Variants in ZNF548 observed in about 807,000 individuals in gnomAD.
ZNF548 encodes the protein zinc finger protein 548.
Under a neutral mutation model 10.2 loss-of-function variants are expected in ZNF548, and 10 were observed. That is an observed-to-expected ratio of 0.98 (90% CI 0.60 to 1.66). The LOEUF is 1.66. Among genes scored for constraint, ZNF548 ranks in the 40% most tolerant of loss-of-function variants. ZNF548 has a pLI of 0.00. For synonymous variants in ZNF548, 217 were observed against 223.5 expected (o/e 0.97, Z 0.26); for missense variants, 599 against 657.0 (o/e 0.91, Z 0.97).
At chr19:57,394,000 A>G in intron 1 of ZNF548, 188 bp from the exon 2 acceptor site, 2 of 658,248 alleles carry the variant, frequency 3.0e-6, no homozygotes, top group East Asian at 5.4e-5. Context: ...ACAGATGGAG[A>G]CACTGAAGCT....
rs894432050 is a variant in ZNF548 at position 57,400,980 on chromosome 19, T to A, written c.*1091T>A. 1 of 152,194 alleles carries A rather than the reference T, an allele frequency of 6.6e-6. No individual in the cohort carries two copies. Among genetic ancestry groups the A allele is most frequent in the Non-Finnish European group, 1.5e-5 (1 of 68,034 alleles). 9.4% of individuals were successfully genotyped at this position (152,194 alleles called of 1,614,324 possible). On this transcript the variant is annotated 3_prime_UTR_variant, in exon 4 of 4. Coordinates refer to ENST00000336128, the MANE Select transcript of ZNF548 (RefSeq NM_001172773.2). ...TGTGAATGATTGATGATGTTGAGGATCTTTTCATGTGCTTGTTAGGCATTT... is the reference window on the plus strand; with the variant it reads ...TGTGAATGATTGATGATGTTGAGGAACTTTTCATGTGCTTGTTAGGCATTT...
intron 1 of ZNF548, 89 bp from the exon 2 acceptor site, chr19:57,394,099 C>T: frequency 4.3e-6 from 6 of 1,397,342 alleles, no homozygotes; most frequent in Non-Finnish European, 5.9e-6. Context: ...CAGTTTGCTC[C>T]CAGGCAGGGC....
chr19:57,396,802 G>C (rs73634688), intron 2 of ZNF548: 10,227 of 425,394 alleles, frequency 0.024, 293 homozygotes, highest in African/African-American at 0.1. Flanking sequence ...AATAATTCCA[G>C]GACACCTGGG....
chr19:57,397,481 C>A (rs2088675599), intron 3 of ZNF548: 1 of 406,032 alleles, frequency 2.5e-6, no homozygotes, highest in East Asian at 3.5e-5. Context: ...CACATGAGAC[C>A]TGTGTTCTGT....
rs2088609621 is a variant in ZNF548 at position 57,389,911 on chromosome 19, A to C, written c.-189A>C. On this transcript the variant is annotated 5_prime_UTR_variant, in exon 1 of 4. Coordinates refer to ENST00000336128, the MANE Select transcript of ZNF548 (RefSeq NM_001172773.2). The stretch of plus-strand genomic sequence containing the variant: ...TTTGGTTCTGTGTGGTGTTTCACCA[A>C]CTTCGGCCTATGGCTCTGTCTGACG... 8.1e-6 allele frequency: 5 copies of C among 619,534 alleles called. No individual in the cohort carries two copies. Among genetic ancestry groups the C allele is most frequent in the Non-Finnish European group, 1.3e-5 (5 of 375,642 alleles). 38.4% of individuals were successfully genotyped at this position (619,534 alleles called of 1,614,324 possible).
At chr19:57,393,046 A>T (rs754953805) in intron 1 of ZNF548, 139 of 917,376 alleles carry the variant, frequency 1.5e-4, no homozygotes, top group Admixed American at 1.9e-4. Flanking sequence ...CTGTTGAACA[A>T]GAGAAATGTT....
Position 57,395,189 on chromosome 19 carries a change from G to A in ZNF548, c.51+966G>A, listed in dbSNP as rs2123041154. Among the ~76,000 whole-genome samples the A allele has an allele frequency of 6.6e-6, 1 of 152,076 alleles. No homozygotes were observed. Among genetic ancestry groups the A allele is most frequent in the Middle Eastern group, 3.4e-3 (1 of 294 alleles). ...TCTCTTACTGGGTAGCTGTGCAGTGGTGGAGGAGTCACTAGACAAATGAGG... is the reference window on the plus strand; with the variant it reads ...TCTCTTACTGGGTAGCTGTGCAGTGATGGAGGAGTCACTAGACAAATGAGG... On this transcript the variant is annotated intron_variant, in intron 2 of 3. Transcript: ENST00000336128. The surrounding 1 kb of genome is among the most constrained non-coding windows in gnomAD (Gnocchi z 4.8).
At chr19:57,393,680 GGGAGGGGAGGGGAGGGCAGA>G (rs1160738222) in intron 1 of ZNF548, among the ~76,000 whole-genome samples, 3 of 112,084 alleles carry the variant, frequency 2.7e-5, no homozygotes, top group East Asian at 3.3e-4. Context: ...GAGAGGAGAG[GGGAGGGGAGGGGAGGGCAGA>G]GGAGGGGAGG....
chr19:57,394,986 A>C (rs1482580220), intron 2 of ZNF548, among the ~76,000 whole-genome samples: 1 of 151,946 alleles, frequency 6.6e-6, no homozygotes, highest in Non-Finnish European at 1.5e-5. Context: ...TGTTTGTTCA[A>C]GCCACAGATG....
In ZNF548 at chr19:57,401,030, C is replaced by G. The variant is rs2088712333; in HGVS notation, c.*1141C>G. The stretch of plus-strand genomic sequence containing the variant: ...TGTGTATCTGGAAAAATATTCAAGT[C>G]TTTTTTTTCCATTTTTAATGGGACT... On this transcript the variant is annotated 3_prime_UTR_variant, in exon 4 of 4. Coordinates refer to ENST00000336128, the MANE Select transcript of ZNF548 (RefSeq NM_001172773.2). 6.6e-6 allele frequency: 1 copy of G among 151,846 alleles called. No homozygotes were observed. The highest frequency in any genetic ancestry group is 2.4e-5 in the African/African-American group (1 of 41,318). 9.4% of individuals were successfully genotyped at this position (151,846 alleles called of 1,614,324 possible). A position where few individuals can be genotyped will look rare whatever the true frequency, so the allele number is the denominator to read the frequency against.
chr19:57,399,114 C>A lies in ZNF548; in HGVS notation c.863C>A (p.Thr288Asn), dbSNP rs2088691310. 1 of 1,614,088 alleles carries A rather than the reference C, an allele frequency of 6.2e-7. No homozygotes were observed. Among genetic ancestry groups the A allele is most frequent in the Admixed American group, 1.7e-5 (1 of 60,000 alleles). The stretch of plus-strand genomic sequence containing the variant: ...CTCATGAGACATAAGCGAGTTCACA[C>A]TGGAGAAAGGCCTTATGAGTGCAAC... The part of the protein sequence containing the change: ...YRLMRHKRVH[T>N]GERPYECNTC... The change falls in exon 4 of 4, where the codon ACT becomes AAT. Residue 288 changes from threonine (T) to asparagine (N), a missense_variant. Thr to Asn is a moderately conservative substitution (Grantham distance 65). Coordinates refer to ENST00000336128, the MANE Select transcript of ZNF548 (RefSeq NM_001172773.2). This position sits in a 1 kb window ranked among gnomAD's most constrained non-coding sequence, Gnocchi z 4.0.
At chr19:57,391,297 C>CTTTTTTTTTT (rs35713836) in intron 1 of ZNF548, among the ~76,000 whole-genome samples, 1 of 140,614 alleles carries the variant, frequency 7.1e-6, no homozygotes. Flanking sequence ...TAGTTTCATG[C>CTTTTTTTTTT]TTTTTTTTTT....
rs2088657529 is a variant in ZNF548, at chr19:57,395,366, G to A, written c.51+1143G>A. On this transcript the variant is annotated intron_variant, in intron 2 of 3. Transcript: ENST00000336128. The surrounding 1 kb of genome is among the most constrained non-coding windows in gnomAD (Gnocchi z 4.8). ...CTAACTATCAGTTGGGAGGAGGTGA[G>A]GATGGGAGTTGTATTAATCCGTTTC... 6.6e-6 allele frequency among the ~76,000 whole-genome samples: 1 copy of A among 152,076 alleles called. No homozygotes were observed. Among genetic ancestry groups the A allele is most frequent in the Non-Finnish European group, 1.5e-5 (1 of 68,018 alleles).
chr19:57,389,936 G>T lies in ZNF548; in HGVS notation c.-164G>T. On this transcript the variant is annotated 5_prime_UTR_variant, in exon 1 of 4. Transcript: ENST00000336128. ...ACTTCGGCCTATGGCTCTGTCTGAC[G>T]TCACCGAAGTGACGGAACGGAAAAG... 1.2e-6 allele frequency: 1 copy of T among 823,558 alleles called. No individual in the cohort carries two copies. The highest frequency in any genetic ancestry group is 1.9e-5 in the South Asian group (1 of 52,284). 51.0% of individuals were successfully genotyped at this position (823,558 alleles called of 1,614,324 possible).
chr19:57,394,142 A>T (rs2123039891), intron 1 of ZNF548, 46 bp from the exon 2 acceptor site: 1 of 1,587,444 alleles, frequency 6.3e-7, no homozygotes, highest in South Asian at 1.1e-5. Context: ...AGCCTGAAGG[A>T]TCCTTCCATG....
intron 2 of ZNF548, among the ~76,000 whole-genome samples, chr19:57,396,571 T>G (rs1204279277): frequency 6.6e-6 from 1 of 152,216 alleles, no homozygotes; most frequent in Non-Finnish European, 1.5e-5. Context: ...TGTGAGTGAT[T>G]GATGCTGGGG....
chr19:57,391,290 T>C (rs1450816057), intron 1 of ZNF548, among the ~76,000 whole-genome samples: 1 of 119,864 alleles, frequency 8.3e-6, no homozygotes, highest in African/African-American at 2.8e-5. Flanking sequence ...AAAGACATAG[T>C]TTCATGCTTT....
intron 1 of ZNF548, among the ~76,000 whole-genome samples, chr19:57,393,335 T>C (rs1043116870): frequency 1.1e-4 from 17 of 151,960 alleles, no homozygotes; most frequent in Non-Finnish European, 2.1e-4. Context: ...TGCAAACAGA[T>C]AGGCAGTTAA....
intron 3 of ZNF548, 87 bp from the exon 4 acceptor site, chr19:57,398,343 G>A: frequency 6.4e-7 from 1 of 1,560,032 alleles, no homozygotes; most frequent in South Asian, 1.2e-5. Context: ...GGCCTTATTT[G>A]TGTGTGTGCC....
Sources: gnomAD v4.1 joint callset for allele counts (sites outside exome capture counted in the v4.1 genomes callset) on GRCh38, gnomAD v4.1.1 for gene constraint, Gnocchi (gnomAD v3.1) non-coding constraint, MANE v1.5 for transcripts, NCBI Gene and HGNC (gene_info 2026-07-23, HGNC 2026-07-21) for gene names.